TEX52: variants seen among roughly 807,000 people sequenced by gnomAD.
TEX52 encodes testis expressed 52.
In TEX52, 22 loss-of-function variants were observed where a neutral mutation model predicts 17.6. The ratio of observed to expected loss-of-function variants is 1.25; its 90% CI spans 0.89 to 1.78. The LOEUF (loss-of-function observed/expected upper bound fraction) is 1.78. TEX52 is among the 40% of genes most tolerant of loss of function. The probability of loss-of-function intolerance (pLI) is 0.00; values close to 1 mark genes in which losing one functional copy is unlikely to be tolerated. For missense variants in TEX52, 396 were observed against 372.3 expected (o/e 1.06, Z -0.52); for synonymous variants, 168 against 147.4 (o/e 1.14, Z -1.01).
At chr12:2,847,740 T>G (rs1248107799), downstream of TEX52, among the ~76,000 whole-genome samples, 2 of 152,052 alleles carry the variant, frequency 1.3e-5, no homozygotes, top group East Asian at 3.9e-4. Context: ...ATATCTTCTA[T>G]TCAACTTTCT....
Position 2,849,505 on chromosome 12 carries a change from C to A in TEX52, c.644G>T (p.Gly215Val), listed in dbSNP as rs530630805. ...SFKKYRHISAGGRFEPQGLQL... is the reference protein window; with the variant it reads ...SFKKYRHISAVGRFEPQGLQL... ...GAGGCCCTGGGGTTCAAACCTCCCACCAGCGGATATGTGCCGGTACCTGTT... is the reference window on the plus strand; with the variant it reads ...GAGGCCCTGGGGTTCAAACCTCCCAACAGCGGATATGTGCCGGTACCTGTT... The change falls in exon 3 of 3, where the codon GGT (glycine) becomes GTT (valine). Residue 215 changes from glycine (G) to valine (V), a missense_variant. Gly to Val is a moderately radical substitution (Grantham distance 109). Coordinates refer to ENST00000637658, the MANE Select transcript of TEX52 (RefSeq NM_001365174.2). 3 of 1,536,104 alleles carry A rather than the reference C, an allele frequency of 2.0e-6. No homozygotes were observed. The South Asian group carries it at 3.6e-5, about 18-fold the overall frequency.
At chr12:2,852,052 T>G (rs2153928912) in intron 2 of TEX52, among the ~76,000 whole-genome samples, 1 of 151,520 alleles carries the variant, frequency 6.6e-6, no homozygotes, top group East Asian at 1.9e-4. Flanking sequence ...AGGCAGGAGT[T>G]TTTTTTTTAG....
chr12:2,853,771 A>G (rs2098078800), intron 2 of TEX52, among the ~76,000 whole-genome samples: 1 of 151,988 alleles, frequency 6.6e-6, no homozygotes, highest in Non-Finnish European at 1.5e-5. Flanking sequence ...GTTGGGAAGC[A>G]TCCGTGAGTT....
At chr12:2,856,377 T>G (rs957155108) in intron 1 of TEX52, among the ~76,000 whole-genome samples, 6 of 152,174 alleles carry the variant, frequency 3.9e-5, no homozygotes, top group African/African-American at 1.4e-4. Flanking sequence ...GATGTTTTCT[T>G]TTTTTAGATG....
rs1603494123 is a variant in TEX52 at position 2,855,258 on chromosome 12, A to C, written c.261T>G (p.Gly87=). Residue 87 remains glycine, a synonymous_variant, in exon 2 of 3, where the codon GGT becomes GGG. Coordinates refer to ENST00000637658, the MANE Select transcript of TEX52 (RefSeq NM_001365174.2). ...VRQRLIHPWK[G]GAQHTWGFHT... ...GAAAGCCCCAGGTGTGCTGGGCGCC[A>C]CCCTTCCAAGGGTGGATGAGCCGCT... is the stretch of plus-strand genomic sequence containing the variant. The C allele has an allele frequency of 6.6e-7, 1 of 1,511,272 alleles. No individual in the cohort carries two copies. The highest frequency in any genetic ancestry group is 8.9e-7 in the Non-Finnish European group (1 of 1,129,912). 93.6% of individuals were successfully genotyped at this position (1,511,272 alleles called of 1,614,324 possible).
chr12:2,855,531 A>C, intron 1 of TEX52, 85 bp from the exon 2 acceptor site: 2 of 1,067,736 alleles, frequency 1.9e-6, no homozygotes, highest in Non-Finnish European at 2.5e-6. Context: ...TCTCCTTCCC[A>C]GGCACGACCT....
At chr12:2,851,623 G>T (rs1171362472) in intron 2 of TEX52, among the ~76,000 whole-genome samples, 2 of 151,996 alleles carry the variant, frequency 1.3e-5, no homozygotes, top group African/African-American at 4.8e-5. Flanking sequence ...GATTACAGGC[G>T]TGAGCCACCA....
intron 1 of TEX52, among the ~76,000 whole-genome samples, chr12:2,855,868 C>T (rs1028144397): frequency 1.3e-5 from 2 of 152,136 alleles, no homozygotes; most frequent in Admixed American, 6.6e-5. Flanking sequence ...CCTTCACTTG[C>T]TCCTGGTCTT....
rs532823733 is a variant in TEX52, at chr12:2,855,108, G to A, written c.411C>T (p.His137=). Residue 137 remains histidine (H), a synonymous_variant, in exon 2 of 3, where the codon CAC becomes CAT. Coordinates refer to ENST00000637658, the MANE Select transcript of TEX52 (RefSeq NM_001365174.2). The stretch of plus-strand genomic sequence containing the variant: ...CCATCCAGGAGGGAGGGGGGATGGG[G>A]TGCTCCGTGGGGGGGCATCTGTGGG... ...SNAHRCPPTE[H]PIPPPSWMGQ... The A allele has an allele frequency of 2.0e-5, 30 of 1,535,382 alleles. No homozygotes were observed. The African/African-American group carries it at 3.0e-4, about 15-fold the overall frequency.
chr12:2,850,083 C>A (rs2098065219), intron 2 of TEX52, among the ~76,000 whole-genome samples: 1 of 152,158 alleles, frequency 6.6e-6, no homozygotes, highest in South Asian at 2.1e-4. Flanking sequence ...CTGCACATTA[C>A]AATCACCCTG....
At chr12:2,856,754 G>C (rs1765556065) in intron 1 of TEX52, among the ~76,000 whole-genome samples, 2 of 152,190 alleles carry the variant, frequency 1.3e-5, no homozygotes, top group Admixed American at 6.5e-5. Context: ...GGTGGGGCTG[G>C]GAGATGTGGC....
Position 2,854,978 on chromosome 12 carries a change from C to G in TEX52, c.541G>C (p.Glu181Gln). ...FRTVKELKEVEKLKLRSEARA... is the reference protein window; with the variant it reads ...FRTVKELKEVQKLKLRSEARA... ...GCCTCACTCCTCAACTTGAGCTTCT[C>G]CACCTCCTTCAACTCCTTCACTGTC... Residue 181 changes from glutamate (E) to glutamine (Q), a missense_variant, in exon 2 of 3, where the codon GAG becomes CAG. Glu to Gln is a conservative substitution (Grantham distance 29). Transcript: ENST00000637658. 1.3e-6 allele frequency: 2 copies of G among 1,536,258 alleles called. No homozygotes were observed. The highest frequency in any genetic ancestry group is 1.7e-6 in the Non-Finnish European group (2 of 1,146,948).
Position 2,855,248 on chromosome 12 carries a change from G to A in TEX52, c.271C>T (p.His91Tyr), listed in dbSNP as rs1236132759. 2.0e-6 allele frequency: 3 copies of A among 1,508,650 alleles called. No individual in the cohort carries two copies. The highest frequency in any genetic ancestry group is 1.8e-6 in the Non-Finnish European group (2 of 1,128,686). 93.5% of individuals were successfully genotyped at this position (1,508,650 alleles called of 1,614,324 possible). A position where few individuals can be genotyped will look rare whatever the true frequency, so the allele number is the denominator to read the frequency against. ...AGCCACGTGTGAAAGCCCCAGGTGT[G>A]CTGGGCGCCACCCTTCCAAGGGTGG... Reference protein sequence around the residue: ...LIHPWKGGAQHTWGFHTWLDV... With the variant: ...LIHPWKGGAQYTWGFHTWLDV... Residue 91 changes from histidine to tyrosine, a missense_variant, in exon 2 of 3, where the codon CAC (histidine) becomes TAC (tyrosine). Physicochemically the swap from His to Tyr is moderately conservative, Grantham distance 83. Transcript: ENST00000637658.
Position 2,849,158 on chromosome 12 carries a change from C to T in TEX52, c.*73G>A, listed in dbSNP as rs572900304. 1 of 1,436,514 alleles carries T rather than the reference C, an allele frequency of 7.0e-7. No individual in the cohort carries two copies. Among genetic ancestry groups the T allele is most frequent in the South Asian group, 1.4e-5 (1 of 69,802 alleles). 89.0% of individuals were successfully genotyped at this position (1,436,514 alleles called of 1,614,324 possible). A position where few individuals can be genotyped will look rare whatever the true frequency, so the allele number is the denominator to read the frequency against. On this transcript the variant is annotated 3_prime_UTR_variant, in exon 3 of 3. Transcript: ENST00000637658. The stretch of plus-strand genomic sequence containing the variant: ...CCTTTTGCTACCCCAGGGCCTCTTG[C>T]TGAAGGAGCATTGATTGAGAACACT...
In TEX52 at chr12:2,849,214, C is replaced by T. The variant is rs1204387152; in HGVS notation, c.*17G>A. ...CTGGGGCTCTGGGTATCACGATCGT[C>T]CCCTCTGGAAGCCCTTCTAGAAGTG... is the stretch of plus-strand genomic sequence containing the variant. On this transcript the variant is annotated 3_prime_UTR_variant, in exon 3 of 3. Coordinates refer to ENST00000637658, the MANE Select transcript of TEX52 (RefSeq NM_001365174.2). 2 of 1,528,308 alleles carry T rather than the reference C, an allele frequency of 1.3e-6. No individual in the cohort carries two copies. Among genetic ancestry groups the T allele is most frequent in the South Asian group, 1.2e-5 (1 of 82,578 alleles). 94.7% of individuals were successfully genotyped at this position (1,528,308 alleles called of 1,614,324 possible).
intron 1 of TEX52, 124 bp downstream of exon 1, chr12:2,856,831 G>A (rs1354654267): frequency 3.0e-6 from 2 of 655,838 alleles, no homozygotes; most frequent in Non-Finnish European, 5.5e-6. Context: ...AAAAGGGGAA[G>A]ACAGCAGAAA....
intron 2 of TEX52, among the ~76,000 whole-genome samples, chr12:2,852,230 T>G (rs998015421): frequency 1.3e-5 from 2 of 152,186 alleles, no homozygotes; most frequent in African/African-American, 2.4e-5. Flanking sequence ...CCTACAGCAG[T>G]AAACATGTGA....
rs566249728 is a variant in TEX52 at position 2,851,859 on chromosome 12, A to G, written c.624-2334T>C. On this transcript the variant is annotated intron_variant, in intron 2 of 2. Coordinates refer to ENST00000637658, the MANE Select transcript of TEX52 (RefSeq NM_001365174.2). ...ACGCCTGACTAATTTTTGTATTTGT[A>G]GTAGAGAGAGGGTTTCACCATGTTG... Among the ~76,000 whole-genome samples, 3 of 151,888 alleles carry G rather than the reference A, an allele frequency of 2.0e-5. No homozygotes were observed. The South Asian group carries it at 6.3e-4, about 32-fold the overall frequency.
chr12:2,849,235 A>G lies in TEX52; in HGVS notation c.914T>C (p.Phe305Ser). The G allele has an allele frequency of 6.5e-7, 1 of 1,535,458 alleles. No homozygotes were observed. The highest frequency in any genetic ancestry group is 2.0e-5 in the Admixed American group (1 of 50,890). The change falls in exon 3 of 3, where the codon TTC becomes TCC. Residue 305 changes from phenylalanine to serine, a missense_variant. Coordinates refer to ENST00000637658, the MANE Select transcript of TEX52 (RefSeq NM_001365174.2). ...TCGTCCCCTCTGGAAGCCCTTCTAGAAGTGTCCAGGTCTTCTCTTCCTCTT... is the reference window on the plus strand; with the variant it reads ...TCGTCCCCTCTGGAAGCCCTTCTAGGAGTGTCCAGGTCTTCTCTTCCTCTT... The part of the protein sequence containing the change: ...ARKRKRRPGH[F>S]
Sources: gnomAD v4.1 joint callset for allele counts (sites outside exome capture counted in the v4.1 genomes callset) on GRCh38, gnomAD v4.1.1 for gene constraint, MANE v1.5 for transcripts, NCBI Gene and HGNC (gene_info 2026-07-23, HGNC 2026-07-21) for gene names.